The following DPYD variants were observed in gnomAD, a reference collection of about 807,000 sequenced individuals.
The protein encoded by DPYD is dihydropyrimidine dehydrogenase [NADP(+)].
Under a neutral mutation model 116.2 loss-of-function variants are expected in DPYD, and 109 were observed. The observed-to-expected ratio is 0.94, with a 90% confidence interval of 0.80 to 1.10. DPYD has a LOEUF of 1.10. DPYD is among the 50% of genes least tolerant of loss of function. The pLI is 0.00. For synonymous variants in DPYD, 440 were observed against 432.0 expected (o/e 1.02, Z -0.23); for missense variants, 1,302 against 1,254.5 (o/e 1.04, Z -0.57).
At chr1:97,590,995 G>A (rs534631731) in intron 10 of DPYD, among the ~76,000 whole-genome samples, 5 of 152,162 alleles carry the variant, frequency 3.3e-5, no homozygotes, top group Non-Finnish European at 7.3e-5. Flanking sequence ...TACATAATCC[G>A]GTCAGCCACA....
chr1:97,322,341 T>G (rs951954387), intron 16 of DPYD, among the ~76,000 whole-genome samples: 7 of 151,948 alleles, frequency 4.6e-5, no homozygotes, highest in African/African-American at 1.7e-4. Flanking sequence ...CCATTTTGTT[T>G]GTTTGTTTGT....
At chr1:97,480,439 T>C (rs1678233482) in intron 13 of DPYD, among the ~76,000 whole-genome samples, 1 of 152,172 alleles carries the variant, frequency 6.6e-6, no homozygotes, top group Admixed American at 6.5e-5. Context: ...ATGATAGTTA[T>C]GTATAACAGG....
At chr1:97,315,369 A>G (rs1195202291) in intron 16 of DPYD, among the ~76,000 whole-genome samples, 2 of 151,046 alleles carry the variant, frequency 1.3e-5, no homozygotes, top group African/African-American at 2.5e-5. Context: ...GGACTCCTCT[A>G]ATAGGCACTT....
intron 14 of DPYD, among the ~76,000 whole-genome samples, chr1:97,394,701 C>T (rs1672916668): frequency 6.6e-6 from 1 of 151,876 alleles, no homozygotes; most frequent in East Asian, 1.9e-4. Context: ...TGCCACAAAC[C>T]TTCAATTTGT....
At chr1:97,668,354 C>T (rs1659675449) in intron 8 of DPYD, among the ~76,000 whole-genome samples, 1 of 151,944 alleles carries the variant, frequency 6.6e-6, no homozygotes. Context: ...CTGTTAGACA[C>T]CATTTACATA....
chr1:97,551,650 T>G (rs1368965973), intron 11 of DPYD, among the ~76,000 whole-genome samples: 1 of 152,138 alleles, frequency 6.6e-6, no homozygotes, highest in Non-Finnish European at 1.5e-5. Flanking sequence ...TCCTTGAAAT[T>G]TAAGTAGAGA....
At chr1:97,266,102 T>A (rs567343710) in intron 18 of DPYD, among the ~76,000 whole-genome samples, 71 of 152,308 alleles carry the variant, frequency 4.7e-4, no homozygotes, top group African/African-American at 1.5e-3. Flanking sequence ...TAGAAATAAA[T>A]AAACTTAATC....
At chr1:97,904,188 G>A (rs9662719) in intron 1 of DPYD, among the ~76,000 whole-genome samples, 115,698 of 151,614 alleles carry the variant, frequency 0.76, 44,324 homozygotes, top group East Asian at 0.93. Context: ...AAAGTTGTTT[G>A]TTTATTTTTA....
chr1:97,600,380 T>C (rs1280668311), intron 8 of DPYD, among the ~76,000 whole-genome samples: 1 of 152,248 alleles, frequency 6.6e-6, no homozygotes, highest in Non-Finnish European at 1.5e-5. Flanking sequence ...CATGTATTTA[T>C]GGAATAAACC....
At chr1:97,316,129 T>C (rs906137345) in intron 16 of DPYD, among the ~76,000 whole-genome samples, 1 of 151,872 alleles carries the variant, frequency 6.6e-6, no homozygotes, top group Non-Finnish European at 1.5e-5. Flanking sequence ...GAGGAATCAG[T>C]GTAGATGCTA....
At chr1:97,892,550 T>C (rs187925692) in intron 1 of DPYD, among the ~76,000 whole-genome samples, 288 of 151,898 alleles carry the variant, frequency 1.9e-3, no homozygotes, top group Middle Eastern at 3.4e-3. Flanking sequence ...ACACTTGAGA[T>C]ACAATCAACC....
chr1:97,874,984 C>T (rs941602026), intron 2 of DPYD, among the ~76,000 whole-genome samples: 2 of 151,760 alleles, frequency 1.3e-5, no homozygotes, highest in African/African-American at 4.8e-5. Context: ...ATAAAATATG[C>T]ATCAGAGAAT....
At chr1:97,630,296 T>C (rs938735850) in intron 8 of DPYD, among the ~76,000 whole-genome samples, 1 of 152,114 alleles carries the variant, frequency 6.6e-6, no homozygotes, top group African/African-American at 2.4e-5. Context: ...CATTTCCCAT[T>C]TTCCTAACCA....
chr1:97,153,604 C>A (rs182808240), intron 20 of DPYD, among the ~76,000 whole-genome samples: 2 of 151,992 alleles, frequency 1.3e-5, no homozygotes, highest in Admixed American at 6.6e-5. Flanking sequence ...GACTTCATGA[C>A]CAAGCACCCA....
At chr1:97,698,148 G>C (rs1389376585) in intron 6 of DPYD, among the ~76,000 whole-genome samples, 3 of 151,750 alleles carry the variant, frequency 2.0e-5, no homozygotes. Flanking sequence ...ATTCATAGTA[G>C]TGGAACATCA....
intron 20 of DPYD, among the ~76,000 whole-genome samples, chr1:97,164,782 A>G (rs1656193005): frequency 6.6e-6 from 1 of 152,178 alleles, no homozygotes; most frequent in South Asian, 2.1e-4. Flanking sequence ...GAGATGACAC[A>G]AACAAACGGG....
intron 20 of DPYD, among the ~76,000 whole-genome samples, chr1:97,106,507 A>G (rs938687724): frequency 1.3e-5 from 2 of 152,172 alleles, no homozygotes; most frequent in South Asian, 2.1e-4. Flanking sequence ...TTCTGGAGTG[A>G]GAGCTAGGAC....
At chr1:97,136,731 T>C (rs1465492341) in intron 20 of DPYD, among the ~76,000 whole-genome samples, 1 of 152,134 alleles carries the variant, frequency 6.6e-6, no homozygotes, top group Non-Finnish European at 1.5e-5. Flanking sequence ...CCAAAAACAC[T>C]GTCAGTAAAA....
intron 16 of DPYD, among the ~76,000 whole-genome samples, chr1:97,312,108 A>G (rs536312327): frequency 2.6e-5 from 4 of 151,964 alleles, no homozygotes; most frequent in East Asian, 3.9e-4. Flanking sequence ...AAATGCATAC[A>G]TATATGTTTC....
Sources: gnomAD v4.1 joint callset for allele counts (sites outside exome capture counted in the v4.1 genomes callset) on GRCh38, gnomAD v4.1.1 for gene constraint, MANE v1.5 for transcripts, NCBI Gene and HGNC (gene_info 2026-07-23, HGNC 2026-07-21) for gene names.